ANKAR: variants seen among roughly 807,000 people sequenced by gnomAD.
ANKAR encodes ankyrin and armadillo repeat-containing protein.
In ANKAR, 136 loss-of-function variants were observed where a neutral mutation model predicts 146.2. That is an observed-to-expected ratio of 0.93 (90% CI 0.81 to 1.07). ANKAR has a LOEUF of 1.07. Among genes scored for constraint, ANKAR ranks in the 50% least tolerant of loss-of-function variants. The pLI, the probability that ANKAR is intolerant of heterozygous loss-of-function variation, is 0.00. For missense variants in ANKAR, 1,567 were observed against 1,679.9 expected, an observed-to-expected ratio of 0.93 and a Z score of 1.18; for synonymous variants, 500 against 575.8, an observed-to-expected ratio of 0.87 and a Z score of 1.88.
intron 2 of ANKAR, among the ~76,000 whole-genome samples, chr2:189,686,536 A>G (rs1321682564): frequency 6.6e-6 from 1 of 152,140 alleles, no homozygotes; most frequent in Non-Finnish European, 1.5e-5. Context: ...TTCTTTGTTT[A>G]TTATGCATGT....
At position 189,736,503 on chromosome 2, in the gene ANKAR, TG is replaced by T. The variant is rs1300119593; in HGVS notation, c.3424-1179del. 2.1e-3 allele frequency among the ~76,000 whole-genome samples: 277 copies of T among 134,430 alleles called. 32 individuals carry two copies. Among genetic ancestry groups the T allele is most frequent in the Admixed American group, 0.01 (139 of 13,266 alleles). 88.2% of individuals were successfully genotyped at this position (134,430 alleles called of 152,430 possible). A position where few individuals can be genotyped will look rare whatever the true frequency, so the allele number is the denominator to read the frequency against. ...TTTGCCTATTTAGGTGACTGGGTTT[TG>T]TGTGTGTGTGTGTGTGTGTGTGTGT... On this transcript the variant is annotated intron_variant, in intron 17 of 22. Transcript: ENST00000684021.
At chr2:189,761,320 T>C (rs1574937064), downstream of ANKAR, 3 of 1,282,250 alleles carry the variant, frequency 2.3e-6, no homozygotes, top group East Asian at 7.4e-5. Flanking sequence ...CAAAAAGGAA[T>C]AAGACAGTAG....
intron 3 of ANKAR, 68 bp from the exon 4 acceptor site, chr2:189,692,187 A>G (rs372846751): frequency 7.6e-7 from 1 of 1,318,800 alleles, no homozygotes. Context: ...ATGAGAAGCT[A>G]GATCTCTTAA....
At chr2:189,691,727 A>T (rs982808586) in intron 3 of ANKAR, among the ~76,000 whole-genome samples, 3 of 146,750 alleles carry the variant, frequency 2.0e-5, no homozygotes, top group Admixed American at 6.8e-5. Flanking sequence ...TATATATATA[A>T]TATATAAACA....
Position 189,693,101 on chromosome 2 carries a change from G to A in ANKAR, c.1231G>A (p.Ala411Thr), listed in dbSNP as rs758119092. ...AAATTTAGAAAAAATACGAGATTGT[G>A]CTGCTAATACATTTATAGAAGATTC... is the stretch of plus-strand genomic sequence containing the variant. The part of the protein sequence containing the change: ...QKNLEKIRDC[A>T]ANTFIEDSGY... The change falls in exon 5 of 23, where the codon GCT (alanine) becomes ACT (threonine). Residue 411 changes from alanine to threonine, a missense_variant. Ala to Thr is a moderately conservative substitution (Grantham distance 58). Transcript: ENST00000684021. 8 of 1,540,410 alleles carry A rather than the reference G, an allele frequency of 5.2e-6. No individual in the cohort carries two copies. The highest frequency in any genetic ancestry group is 2.1e-5 in the Admixed American group (1 of 47,538).
At chr2:189,761,242 T>TTA, downstream of ANKAR, 1 of 524,204 alleles carries the variant, frequency 1.9e-6, no homozygotes, top group Non-Finnish European at 3.2e-6. Context: ...TGGGACCTTA[T>TTA]TGTGAAGACC....
intron 2 of ANKAR, among the ~76,000 whole-genome samples, chr2:189,681,650 A>G (rs766155455): frequency 1.6e-4 from 25 of 152,238 alleles, no homozygotes; most frequent in Non-Finnish European, 2.8e-4. Flanking sequence ...GACGTCAGCC[A>G]TAATGCTGGA....
At chr2:189,762,742 A>G (rs2047312378), downstream of ANKAR, 1 of 985,410 alleles carries the variant, frequency 1.0e-6, no homozygotes, top group African/African-American at 1.7e-5. Flanking sequence ...AAGACTGTCG[A>G]CTGCCCTTAT....
chr2:189,715,192 C>A (rs1013375778), intron 10 of ANKAR, among the ~76,000 whole-genome samples: 2 of 151,876 alleles, frequency 1.3e-5, no homozygotes, highest in Non-Finnish European at 2.9e-5. Context: ...AGACCACTAG[C>A]AAGACTAATA....
At position 189,746,384 on chromosome 2, in the gene ANKAR, G is replaced by C; in HGVS notation, c.4062G>C (p.Lys1354Asn). The change falls in exon 23 of 23, where the codon AAG becomes AAC. Residue 1354 changes from lysine to asparagine, a missense_variant. Coordinates refer to ENST00000684021, the MANE Select transcript of ANKAR (RefSeq NM_001378068.1). ...TTAATTGTGGCTAATTTTTAGGGAA[G>C]GAGCACCGAAGAAAATTAAAACCTA... ...PSIIPIFKRGKEHRRKLKPKI... is the reference protein window; with the variant it reads ...PSIIPIFKRGNEHRRKLKPKI... The C allele has an allele frequency of 6.2e-7, 1 of 1,602,356 alleles. No individual in the cohort carries two copies.
intron 10 of ANKAR, among the ~76,000 whole-genome samples, chr2:189,716,920 A>G (rs1184294173): frequency 2.0e-5 from 3 of 152,024 alleles, no homozygotes; most frequent in Non-Finnish European, 2.9e-5. Context: ...CCTTCCTTAT[A>G]CCTTATATAA....
At chr2:189,687,557 G>C (rs903902706) in intron 2 of ANKAR, among the ~76,000 whole-genome samples, 2 of 152,150 alleles carry the variant, frequency 1.3e-5, no homozygotes, top group African/African-American at 2.4e-5. Flanking sequence ...CATAGTGGCT[G>C]TACTAGTTTA....
chr2:189,725,279 TAC>T (rs10546393), intron 12 of ANKAR, among the ~76,000 whole-genome samples: 12,129 of 146,400 alleles, frequency 0.083, 706 homozygotes, highest in African/African-American at 0.17. Flanking sequence ...TATGGATTTA[TAC>T]ACACACACAC....
rs890035450 is a variant in ANKAR at position 189,741,801 on chromosome 2, A to G, written c.3810+350A>G. Among the ~76,000 whole-genome samples, 33 of 151,780 alleles carry G rather than the reference A, an allele frequency of 2.2e-4. 1 individual carries two copies. Among genetic ancestry groups the G allele is most frequent in the Non-Finnish European group, 1.0e-4 (7 of 67,794 alleles). The stretch of plus-strand genomic sequence containing the variant: ...AAGATTTAAAAAGAACTACCTGTTC[A>G]AATTAGTTTCTGATTTAAAAAACAA... On this transcript the variant is annotated intron_variant, in intron 20 of 22. Coordinates refer to ENST00000684021, the MANE Select transcript of ANKAR (RefSeq NM_001378068.1).
chr2:189,681,810 G>A (rs757853008), intron 2 of ANKAR, among the ~76,000 whole-genome samples: 7 of 152,106 alleles, frequency 4.6e-5, no homozygotes, highest in Non-Finnish European at 8.8e-5. Flanking sequence ...TTAACAATGT[G>A]GTGTTATTGT....
downstream of ANKAR, among the ~76,000 whole-genome samples, chr2:189,748,100 G>T (rs2105933792): frequency 1.3e-5 from 2 of 152,330 alleles, no homozygotes; most frequent in South Asian, 4.1e-4. Context: ...AGCATTGAAA[G>T]TATATATTAA....
At chr2:189,688,955 G>A (rs1478671085) in intron 2 of ANKAR, among the ~76,000 whole-genome samples, 1 of 152,164 alleles carries the variant, frequency 6.6e-6, no homozygotes, top group Non-Finnish European at 1.5e-5. Context: ...AGGCGTAGGG[G>A]ACAGGAAGAT....
intron 18 of ANKAR, chr2:189,752,595 T>C (rs2045445226): frequency 1.9e-6 from 3 of 1,564,708 alleles, no homozygotes; most frequent in Non-Finnish European, 2.6e-6. Context: ...AAAGGCAAAA[T>C]CCAGGCTTTG....
At chr2:189,692,149 C>T in intron 3 of ANKAR, 106 bp from the exon 4 acceptor site, 2 of 934,526 alleles carry the variant, frequency 2.1e-6, no homozygotes, top group Non-Finnish European at 3.1e-6. Context: ...TTAATTTCAT[C>T]TGGAATTTTC....
Sources: gnomAD v4.1 joint callset for allele counts (sites outside exome capture counted in the v4.1 genomes callset) on GRCh38, gnomAD v4.1.1 for gene constraint, MANE v1.5 for transcripts, NCBI Gene and HGNC (gene_info 2026-07-23, HGNC 2026-07-21) for gene names.